ADAM12: variants seen among roughly 807,000 people sequenced by gnomAD.
ADAM12 encodes the protein disintegrin and metalloproteinase domain-containing protein 12.
In ADAM12, 70 loss-of-function variants were observed where a neutral mutation model predicts 106.4. That is an observed-to-expected ratio of 0.66 (90% CI 0.54 to 0.80). ADAM12 has a LOEUF of 0.80. Ranked by LOEUF, ADAM12 falls within the 30% of genes least tolerant of loss-of-function variation. The probability of loss-of-function intolerance (pLI) is 0.00; values close to 1 mark genes in which losing one functional copy is unlikely to be tolerated. For missense variants in ADAM12, 1,010 were observed against 1,171.9 expected (o/e 0.86, Z 2.02); for synonymous variants, 420 against 433.5 (o/e 0.97, Z 0.39).
intron 4 of ADAM12, chr10:126,145,444 G>A (rs1051426360): frequency 4.7e-5 from 7 of 148,972 alleles, no homozygotes; most frequent in African/African-American, 1.5e-4. Context: ...TCAGTGTTTT[G>A]TTCCAAGTGA....
At chr10:126,301,934 C>T (rs1960642352) in intron 2 of ADAM12, among the ~76,000 whole-genome samples, 1 of 152,126 alleles carries the variant, frequency 6.6e-6, no homozygotes, top group African/African-American at 2.4e-5. Flanking sequence ...TTTTCAAATT[C>T]ATGGAACATA....
intron 4 of ADAM12, among the ~76,000 whole-genome samples, chr10:126,137,076 T>C (rs939089658): frequency 1.3e-5 from 2 of 152,180 alleles, no homozygotes; most frequent in African/African-American, 4.8e-5. Flanking sequence ...AGTCTGACAA[T>C]TAGCTCTTTA....
intron 1 of ADAM12, among the ~76,000 whole-genome samples, chr10:126,350,314 G>A (rs1855304964): frequency 6.6e-6 from 1 of 152,182 alleles, no homozygotes; most frequent in African/African-American, 2.4e-5. Flanking sequence ...TTTTCAACTT[G>A]ACAGTATCAG....
chr10:126,169,052 C>T (rs1957073664), intron 3 of ADAM12, among the ~76,000 whole-genome samples: 1 of 151,900 alleles, frequency 6.6e-6, no homozygotes, highest in South Asian at 2.1e-4. Flanking sequence ...GACTCCGTCT[C>T]GAAAAAAAAC....
intron 10 of ADAM12, among the ~76,000 whole-genome samples, chr10:126,095,394 C>G (rs916530495): frequency 5.9e-5 from 9 of 151,734 alleles, no homozygotes; most frequent in Non-Finnish European, 8.8e-5. Flanking sequence ...ACTAGCCGGG[C>G]GTGGTGGCGG....
chr10:126,183,845 C>T (rs995323045), intron 3 of ADAM12, among the ~76,000 whole-genome samples: 4 of 152,152 alleles, frequency 2.6e-5, no homozygotes, highest in African/African-American at 7.2e-5. Context: ...AATCCAAACA[C>T]GGAGATGTCA....
chr10:126,297,946 C>T (rs116806821), intron 2 of ADAM12, among the ~76,000 whole-genome samples: 2,152 of 151,994 alleles, frequency 0.014, 46 homozygotes, highest in African/African-American at 0.048. Context: ...TGAGGGCCTG[C>T]GAAGAGGCAG....
chr10:126,235,060 G>A (rs1958386960), intron 3 of ADAM12, among the ~76,000 whole-genome samples: 1 of 152,214 alleles, frequency 6.6e-6, no homozygotes, highest in African/African-American at 2.4e-5. Context: ...TGGGGAAGCT[G>A]GCAGAGGGGT....
intron 6 of ADAM12, among the ~76,000 whole-genome samples, chr10:126,117,052 A>G (rs1375907593): frequency 6.6e-6 from 1 of 152,238 alleles, no homozygotes. Context: ...CTATCTATAA[A>G]TTTTCTTGAT....
chr10:126,118,704 T>C (rs1357670833), intron 5 of ADAM12, among the ~76,000 whole-genome samples: 1 of 152,230 alleles, frequency 6.6e-6, no homozygotes, highest in Non-Finnish European at 1.5e-5. Flanking sequence ...TTAGTGCACC[T>C]GTCATCTGAG....
intron 3 of ADAM12, among the ~76,000 whole-genome samples, chr10:126,195,373 G>A (rs748113995): frequency 2.6e-4 from 40 of 152,220 alleles, no homozygotes; most frequent in Non-Finnish European, 5.0e-4. Context: ...TCAGGGGTTC[G>A]AGATTGGCTT....
intron 1 of ADAM12, among the ~76,000 whole-genome samples, chr10:126,333,606 C>G (rs557202089): frequency 2.6e-5 from 4 of 152,254 alleles, no homozygotes; most frequent in Non-Finnish European, 5.9e-5. Context: ...GGTGGGGCCT[C>G]CTGTTAGATA....
chr10:126,308,143 C>T (rs919831197), intron 2 of ADAM12, among the ~76,000 whole-genome samples: 6 of 152,166 alleles, frequency 3.9e-5, no homozygotes, highest in Non-Finnish European at 5.9e-5. Flanking sequence ...GGTTCCTTGA[C>T]GGTGACCATC....
intron 3 of ADAM12, among the ~76,000 whole-genome samples, chr10:126,183,993 T>A (rs1565122250): frequency 6.6e-6 from 1 of 152,258 alleles, no homozygotes; most frequent in Non-Finnish European, 1.5e-5. Context: ...ATTATGATCC[T>A]TATATTTTAC....
intron 3 of ADAM12, among the ~76,000 whole-genome samples, chr10:126,199,078 A>G (rs542375837): frequency 6.6e-6 from 1 of 152,258 alleles, no homozygotes; most frequent in Admixed American, 6.5e-5. Context: ...CCTAGGAATA[A>G]GGAATTTAAG....
chr10:126,383,918 T>C (rs1267697793), intron 1 of ADAM12, among the ~76,000 whole-genome samples: 1 of 152,228 alleles, frequency 6.6e-6, no homozygotes, highest in East Asian at 1.9e-4. Flanking sequence ...CTGTACAAGC[T>C]AGCAGGGGCC....
chr10:126,295,910 AACACAC>A (rs113506950), intron 2 of ADAM12, among the ~76,000 whole-genome samples: 2 of 148,290 alleles, frequency 1.3e-5, no homozygotes, highest in East Asian at 2.0e-4. Flanking sequence ...CACACACACA[AACACAC>A]ACACACACAC....
intron 1 of ADAM12, among the ~76,000 whole-genome samples, chr10:126,332,247 C>A (rs991729646): frequency 2.6e-5 from 4 of 152,206 alleles, no homozygotes; most frequent in African/African-American, 9.6e-5. Flanking sequence ...CTTCTTCAAG[C>A]CAGCAGCCCC....
intron 2 of ADAM12, among the ~76,000 whole-genome samples, chr10:126,320,003 A>T (rs12356213): frequency 0.064 from 9,767 of 152,230 alleles, 407 homozygotes; most frequent in Non-Finnish European, 0.091. Flanking sequence ...GGTGCCCACC[A>T]TGCATTCTCA....
Sources: allele counts gnomAD v4.1 joint callset (sites outside exome capture counted in the v4.1 genomes callset), GRCh38; gene constraint gnomAD v4.1.1; transcripts MANE v1.5; gene names NCBI Gene and HGNC (gene_info 2026-07-23, HGNC 2026-07-21).